The following UGT1A1 variants were observed in gnomAD, a reference collection of about 807,000 sequenced individuals.
The protein encoded by UGT1A1 is UDP-glucuronosyltransferase 1A1.
A neutral mutation model predicts 40.6 loss-of-function variants in UGT1A1; 33 were observed. The observed-to-expected ratio is 0.81, with a 90% CI of 0.62 to 1.09. The LOEUF is 1.09. Among genes scored for constraint, UGT1A1 ranks in the 50% least tolerant of loss-of-function variants. The pLI is 0.00. For missense variants in UGT1A1, 694 were observed against 671.2 expected (o/e 1.03, Z -0.38); for synonymous variants, 249 against 265.0 (o/e 0.94, Z 0.59).
At position 233,760,375 on chromosome 2, in the gene UGT1A1, A is replaced by T. The variant is rs1032753915; in HGVS notation, c.88A>T (p.Ile30Leu). The T allele has an allele frequency of 1.2e-6, 2 of 1,614,042 alleles. No homozygotes were observed. Among genetic ancestry groups the T allele is most frequent in the Admixed American group, 1.7e-5 (1 of 60,000 alleles). The part of the protein sequence containing the change: ...LGPVVSHAGK[I>L]LLIPVDGSHW... ...CCCAGTGGTGTCCCATGCTGGGAAGATACTGTTGATCCCAGTGGATGGCAG... is the reference window on the plus strand; with the variant it reads ...CCCAGTGGTGTCCCATGCTGGGAAGTTACTGTTGATCCCAGTGGATGGCAG... The change falls in exon 1 of 5, where the codon ATA (isoleucine) becomes TTA (leucine). Residue 30 changes from isoleucine (I) to leucine (L), a missense_variant. By Grantham distance (5) the Ile-to-Leu change is conservative. Coordinates refer to ENST00000305208, the MANE Select transcript of UGT1A1 (RefSeq NM_000463.3).
At chr2:233,764,672 GA>G (rs1265405107) in intron 1 of UGT1A1, among the ~76,000 whole-genome samples, 2 of 152,116 alleles carry the variant, frequency 1.3e-5, no homozygotes, top group Non-Finnish European at 2.9e-5. Context: ...ACGCTCAGAA[GA>G]AAGAACTTGA....
At position 233,760,342 on chromosome 2, in the gene UGT1A1, G is replaced by C. The variant is rs2125982896; in HGVS notation, c.55G>C (p.Val19Leu). 6.2e-7 allele frequency: 1 copy of C among 1,614,102 alleles called. No individual in the cohort carries two copies. The highest frequency in any genetic ancestry group is 2.2e-5 in the East Asian group (1 of 44,882). ...RPLVLGLLLC[V>L]LGPVVSHAGK... ...ACTTGTCCTGGGCCTGCTGCTGTGT[G>C]TGCTGGGCCCAGTGGTGTCCCATGC... Residue 19 changes from valine to leucine, a missense_variant, in exon 1 of 5, where the codon GTG becomes CTG. Val to Leu is a conservative substitution (Grantham distance 32). Transcript: ENST00000305208.
At chr2:233,763,924 T>C (rs1294643853) in intron 1 of UGT1A1, among the ~76,000 whole-genome samples, 1 of 152,112 alleles carries the variant, frequency 6.6e-6, no homozygotes, top group African/African-American at 2.4e-5. Context: ...GGCTTCGAGA[T>C]GGCCAGGAGA....
intron 4 of UGT1A1, chr2:233,770,944 AC>A: frequency 6.6e-6 from 1 of 152,138 alleles, no homozygotes; most frequent in Non-Finnish European, 1.5e-5. Context: ...TGCCGGGGGA[AC>A]CTCAGGGAGC....
At chr2:233,766,879 G>A (rs1237814699) in intron 1 of UGT1A1, among the ~76,000 whole-genome samples, 155 bp from the exon 2 acceptor site, 1 of 152,170 alleles carries the variant, frequency 6.6e-6, no homozygotes, top group Non-Finnish European at 1.5e-5. Context: ...GGAAAATGCT[G>A]TAAAACTTAC....
Position 233,760,907 on chromosome 2 carries a change from T to A in UGT1A1, c.620T>A (p.Leu207Gln). ...TCTCATTCAGATCACATGACCTTCC[T>A]GCAGCGGGTGAAGAACATGCTCATT... is the stretch of plus-strand genomic sequence containing the variant. ...LSSHSDHMTF[L>Q]QRVKNMLIAF... Residue 207 changes from leucine (L) to glutamine (Q), a missense_variant, in exon 1 of 5, where the codon CTG becomes CAG. By Grantham distance (113) the Leu-to-Gln change is moderately radical (BLOSUM62 -2). Transcript: ENST00000305208. The A allele has an allele frequency of 6.2e-7, 1 of 1,614,208 alleles. No homozygotes were observed.
At chr2:233,772,152 T>C (rs1386097688) in intron 4 of UGT1A1, 110 bp from the exon 5 acceptor site, 1 of 1,556,926 alleles carries the variant, frequency 6.4e-7, no homozygotes, top group African/African-American at 1.4e-5. Flanking sequence ...ACAGGTTTCC[T>C]TTCCCAAGTT....
intron 4 of UGT1A1, chr2:233,770,377 G>C (rs1211488828): frequency 6.6e-6 from 1 of 152,200 alleles, no homozygotes; most frequent in African/African-American, 2.4e-5. Flanking sequence ...GTTCTGGCCA[G>C]GTACGGTGGC....
At chr2:233,764,352 G>A (rs1698541814) in intron 1 of UGT1A1, among the ~76,000 whole-genome samples, 1 of 152,214 alleles carries the variant, frequency 6.6e-6, no homozygotes, top group Admixed American at 6.5e-5. Context: ...CCTTTATTGA[G>A]CCTCATAGTA....
intron 3 of UGT1A1, 72 bp downstream of exon 3, chr2:233,768,008 C>A (rs1699546066): frequency 1.9e-6 from 3 of 1,613,978 alleles, no homozygotes; most frequent in Admixed American, 1.7e-5. Context: ...CACAGCTATT[C>A]TAAAGGATTG....
chr2:233,769,665 G>T lies in UGT1A1; in HGVS notation c.1304+1226G>T. 6.3e-7 allele frequency: 1 copy of T among 1,592,194 alleles called. No homozygotes were observed. The highest frequency in any genetic ancestry group is 1.1e-5 in the South Asian group (1 of 88,390). The stretch of plus-strand genomic sequence containing the variant: ...TGATGACTGACTTCCCACCTTTGAG[G>T]TGCTAATGTGTGTGTGGTGGCACTG... On this transcript the variant is annotated intron_variant, in intron 4 of 4. Transcript: ENST00000305208. The surrounding 1 kb of genome is among the most constrained non-coding windows in gnomAD (Gnocchi z 4.4).
rs1699315314 is a variant in UGT1A1, at chr2:233,767,062, G to A, written c.893G>A (p.Gly298Glu). The A allele has an allele frequency of 6.2e-7, 1 of 1,613,966 alleles. No individual in the cohort carries two copies. The highest frequency in any genetic ancestry group is 8.5e-7 in the Non-Finnish European group (1 of 1,180,016). Residue 298 changes from glycine (G) to glutamate (E), a missense_variant, in exon 2 of 5, where the codon GGA becomes GAA. Gly to Glu is a moderately conservative substitution (Grantham distance 98). Transcript: ENST00000305208. ...QEFEAYINAS[G>E]EHGIVVFSLG... is the part of the protein sequence containing the mutation. ...TTTGAAGCCTACATTAATGCTTCTG[G>A]AGAACATGGAATTGTGGTTTTCTCT...
chr2:233,770,096 C>T (rs1250263322), intron 4 of UGT1A1: 2 of 152,608 alleles, frequency 1.3e-5, no homozygotes, highest in African/African-American at 4.8e-5. Flanking sequence ...GTATAGATAA[C>T]TACTTGTAAC....
In UGT1A1 at chr2:233,768,427, T is replaced by A; in HGVS notation, c.1292T>A (p.Ile431Asn). ...TTAGAAAATGCTCTAAAAGCAGTCA[T>A]CAATGACAAAAGGTAAGAAAGAAGA... is the stretch of plus-strand genomic sequence containing the variant. ...EDLENALKAV[I>N]NDKSYKENIM... Residue 431 changes from isoleucine (I) to asparagine (N), a missense_variant, in exon 4 of 5, where the codon ATC becomes AAC. Transcript: ENST00000305208. 1 of 1,614,006 alleles carries A rather than the reference T, an allele frequency of 6.2e-7. No individual in the cohort carries two copies. The highest frequency in any genetic ancestry group is 8.5e-7 in the Non-Finnish European group (1 of 1,179,966).
rs1341350093 is a variant in UGT1A1, at chr2:233,769,045, A to G, written c.1304+606A>G. ...AGTTGCCATAATAGACATCTGATCC[A>G]TAAGTTTCCTGCACAGAAAGAAATA... On this transcript the variant is annotated intron_variant, in intron 4 of 4. Transcript: ENST00000305208. This position sits in a 1 kb window ranked among gnomAD's most constrained non-coding sequence, Gnocchi z 4.4. Among the ~76,000 whole-genome samples, 2 of 152,222 alleles carry G rather than the reference A, an allele frequency of 1.3e-5. No homozygotes were observed. Among genetic ancestry groups the G allele is most frequent in the African/African-American group, 2.4e-5 (1 of 41,450 alleles).
chr2:233,762,168 C>A (rs986737504), intron 1 of UGT1A1, among the ~76,000 whole-genome samples: 2 of 152,090 alleles, frequency 1.3e-5, no homozygotes, highest in African/African-American at 2.4e-5. Flanking sequence ...CCACTGTATG[C>A]GGCGTCCTCA....
Position 233,766,627 on chromosome 2 carries a change from T to G in UGT1A1, c.865-407T>G, listed in dbSNP as rs28900401. On this transcript the variant is annotated intron_variant, in intron 1 of 4. Transcript: ENST00000305208. ...CACCCTCTTCTACCCAGCACTTCCC[T>G]TCCCTACTTCCATATCATTTAAAGG... 9.6e-3 allele frequency among the ~76,000 whole-genome samples: 1,465 copies of G among 152,310 alleles called. 33 individuals are homozygous for G. The highest frequency in any genetic ancestry group is 0.033 in the African/African-American group (1,374 of 41,578).
At chr2:233,761,199 A>C in intron 1 of UGT1A1, 48 bp downstream of exon 1, 1 of 1,614,054 alleles carries the variant, frequency 6.2e-7, no homozygotes, top group Non-Finnish European at 8.5e-7. Flanking sequence ...TTTCAGATGT[A>C]TTACTTTGGA....
At position 233,772,856 on chromosome 2, in the gene UGT1A1, A is replaced by G; in HGVS notation, c.*297A>G. On this transcript the variant is annotated 3_prime_UTR_variant, in exon 5 of 5. Transcript: ENST00000305208. ...TCTAGATTACTTTTCTTACTCTGAA[A>G]CATGGCCTGTTTGGGAGTGCGGGAT... The G allele has an allele frequency of 2.7e-6, 2 of 727,580 alleles. No individual in the cohort carries two copies. The highest frequency in any genetic ancestry group is 4.2e-5 in the South Asian group (2 of 48,166). The allele number at this position is 727,580 out of a possible 1,614,324, so 45.1% of individuals were successfully genotyped here.
Sources: gnomAD v4.1 joint callset for allele counts (sites outside exome capture counted in the v4.1 genomes callset) on GRCh38, gnomAD v4.1.1 for gene constraint, Gnocchi (gnomAD v3.1) non-coding constraint, MANE v1.5 for transcripts, NCBI Gene and HGNC (gene_info 2026-07-23, HGNC 2026-07-21) for gene names.